Variants in EPC1 observed in about 807,000 individuals in gnomAD.
EPC1 encodes the protein enhancer of polycomb 1.
EPC1 carries 12 observed loss-of-function variants against 98.4 expected under a neutral mutation model. The ratio of observed to expected loss-of-function variants is 0.12; its 90% confidence interval spans 0.08 to 0.20. The LOEUF (loss-of-function observed/expected upper bound fraction) is 0.20, where lower values mean the gene tolerates loss of function less well. EPC1 is among the 10% of genes least tolerant of loss of function. The probability of loss-of-function intolerance (pLI) is 1.00; values close to 1 mark genes in which losing one functional copy is unlikely to be tolerated. For synonymous variants in EPC1, 357 were observed against 363.9 expected, an observed-to-expected ratio of 0.98 and a Z score of 0.21; for missense variants, 729 against 990.5, an observed-to-expected ratio of 0.74 and a Z score of 3.54.
rs779179625 is a variant in EPC1, at chr10:32,287,202, C to T, written c.1048G>A (p.Ala350Thr). The part of the protein sequence containing the change: ...KKPKVLPSSA[A>T]ATPQQTSPAA... The stretch of plus-strand genomic sequence containing the variant: ...GGACTCGTCTGTTGGGGAGTAGCAG[C>T]GGCAGACGATGGTAAGACTTTGGGC... Residue 350 changes from alanine to threonine, a missense_variant, in exon 7 of 14, where the codon GCT becomes ACT. Ala to Thr is a moderately conservative substitution (Grantham distance 58, BLOSUM62 0). Transcript: ENST00000319778. The T allele has an allele frequency of 8.1e-6, 13 of 1,614,062 alleles. No individual in the cohort carries two copies. The highest frequency in any genetic ancestry group is 6.7e-5 in the East Asian group (3 of 44,880).
intron 1 of EPC1, among the ~76,000 whole-genome samples, chr10:32,317,728 C>G (rs1264106353): frequency 6.6e-6 from 1 of 152,164 alleles, no homozygotes; most frequent in Non-Finnish European, 1.5e-5. Flanking sequence ...CAGATAGTAT[C>G]TGGCAAGGAA....
intron 10 of EPC1, among the ~76,000 whole-genome samples, chr10:32,278,706 A>ATTTTACCTT (rs1836240494): frequency 6.6e-6 from 1 of 152,150 alleles, no homozygotes; most frequent in Non-Finnish European, 1.5e-5. Context: ...CAGGCCAAAC[A>ATTTTACCTT]TTATTTTAAT....
chr10:32,374,737 G>A (rs1839837220), intron 1 of EPC1, among the ~76,000 whole-genome samples: 1 of 152,014 alleles, frequency 6.6e-6, no homozygotes, highest in East Asian at 1.9e-4. Flanking sequence ...TAGATTTAAA[G>A]TATCTTTAGA....
At position 32,293,086 on chromosome 10, in the gene EPC1, G is replaced by C; in HGVS notation, c.568C>G (p.Leu190Val). 6.2e-7 allele frequency: 1 copy of C among 1,613,376 alleles called. No individual in the cohort carries two copies. Residue 190 changes from leucine (L) to valine (V), a missense_variant, in exon 4 of 14, where the codon CTT becomes GTT. By Grantham distance (32) the Leu-to-Val change is conservative. This residue lies in a region of EPC1 where 94 missense variants were observed against 125.1 expected (regional missense o/e 0.75). Coordinates refer to ENST00000319778, the MANE Select transcript of EPC1 (RefSeq NM_001272004.3). ...KKRKNCRGPSLIPSVKQEKRD... is the reference protein window; with the variant it reads ...KKRKNCRGPSVIPSVKQEKRD... ...TTCTCTTGTTTTACTGATGGAATAA[G>C]AGATGGCCCTCGACAGTTTTTTCTC... is the stretch of plus-strand genomic sequence containing the variant.
intron 1 of EPC1, among the ~76,000 whole-genome samples, chr10:32,364,736 T>C (rs917272662): frequency 1.3e-5 from 2 of 152,196 alleles, no homozygotes; most frequent in Non-Finnish European, 2.9e-5. Flanking sequence ...GACATGTGAT[T>C]TCTAAAGAAA....
intron 1 of EPC1, chr10:32,378,420 C>A: frequency 8.0e-7 from 1 of 1,256,826 alleles, no homozygotes; most frequent in Non-Finnish European, 1.1e-6. Context: ...TTAGAAGAAA[C>A]ACAATGAAAA....
chr10:32,356,323 C>T (rs927148781), intron 1 of EPC1, among the ~76,000 whole-genome samples: 10 of 152,094 alleles, frequency 6.6e-5, no homozygotes, highest in Admixed American at 5.2e-4. Context: ...TAGGTAAGCA[C>T]TGTGAATCTA....
intron 10 of EPC1, among the ~76,000 whole-genome samples, chr10:32,277,220 C>T (rs572481929): frequency 3.3e-5 from 5 of 152,180 alleles, no homozygotes; most frequent in South Asian, 2.1e-4. Flanking sequence ...CAAGGGTCTA[C>T]GCAAGGAGAA....
At position 32,286,856 on chromosome 10, in the gene EPC1, A is replaced by T; in HGVS notation, c.1243-14T>A. ...GTCTAAGTGAGGCTTAAAAAAAAAA[A>T]TCCAAATTATTTAATTTTGTCAGTT... On this transcript the variant is annotated splice_polypyrimidine_tract_variant and intron_variant, in intron 8 of 13. Transcript: ENST00000319778. The T allele has an allele frequency of 6.2e-7, 1 of 1,607,368 alleles. No individual in the cohort carries two copies. Among genetic ancestry groups the T allele is most frequent in the Non-Finnish European group, 8.5e-7 (1 of 1,178,064 alleles).
intron 11 of EPC1, chr10:32,272,952 A>T: frequency 1.4e-6 from 2 of 1,394,408 alleles, no homozygotes; most frequent in Non-Finnish European, 2.0e-6. Context: ...CATCTCATTT[A>T]ACTAAGTGCT....
At position 32,268,953 on chromosome 10, in the gene EPC1, C is replaced by T. The variant is rs1418144652; in HGVS notation, c.*110G>A. 2.0e-5 allele frequency: 18 copies of T among 893,196 alleles called. 1 individual carries two copies. The South Asian group carries it at 2.8e-4, about 14-fold the overall frequency. The allele number at this position is 893,196 out of a possible 1,614,324, so 55.3% of individuals were successfully genotyped here. ...GATGAGCATTGCTGTCAAGTCCCCA[C>T]AGCTGCCACAGAAACGCATGTGCTG... On this transcript the variant is annotated 3_prime_UTR_variant, in exon 14 of 14. Transcript: ENST00000319778.
intron 1 of EPC1, among the ~76,000 whole-genome samples, chr10:32,315,423 G>A (rs1836495949): frequency 6.6e-6 from 1 of 152,070 alleles, no homozygotes; most frequent in Non-Finnish European, 1.5e-5. Context: ...TTTTATTTAA[G>A]CAAATAATGA....
intron 1 of EPC1, among the ~76,000 whole-genome samples, chr10:32,333,781 G>C (rs1365068144): frequency 3.3e-5 from 5 of 152,186 alleles, no homozygotes; most frequent in African/African-American, 1.2e-4. Context: ...GAAGGGTGTT[G>C]TCTCTCAGTA....
intron 1 of EPC1, among the ~76,000 whole-genome samples, chr10:32,336,310 C>CA (rs58887924): frequency 0.8 from 122,168 of 151,872 alleles, 50,077 homozygotes; most frequent in East Asian, 0.96. Flanking sequence ...GCTCGTGATC[C>CA]ACCTGCCTCG....
chr10:32,306,342 T>C (rs890652716), intron 1 of EPC1, among the ~76,000 whole-genome samples: 3 of 152,226 alleles, frequency 2.0e-5, no homozygotes, highest in Non-Finnish European at 4.4e-5. Context: ...TTCATAAATT[T>C]AGAAGGTATT....
chr10:32,363,237 C>G (rs957936569), intron 1 of EPC1, among the ~76,000 whole-genome samples: 3 of 152,130 alleles, frequency 2.0e-5, no homozygotes, highest in African/African-American at 7.2e-5. Context: ...CCACACCTGG[C>G]TAATCTTTAT....
rs112553991 is a variant in EPC1, at chr10:32,293,595, C to T, written c.456G>A (p.Gln152=). ...MIDRLEKGSG[Q]QPVSLQEAKL... ...TTATATACAAATGAAGTTGTACCTG[C>T]TGACCACTGCCTTTTTCTAGGCGGT... The change falls in exon 3 of 14, where the codon CAG becomes CAA. Residue 152 remains glutamine, a synonymous_variant. Transcript: ENST00000319778. 2.2e-5 allele frequency: 36 copies of T among 1,612,722 alleles called. No homozygotes were observed. In the African/African-American group the frequency reaches 3.9e-4, roughly 17 times the overall value.
chr10:32,308,878 A>C (rs1214055312), intron 1 of EPC1, among the ~76,000 whole-genome samples: 1 of 152,248 alleles, frequency 6.6e-6, no homozygotes, highest in African/African-American at 2.4e-5. Flanking sequence ...ATTTGGAATC[A>C]ACCTAAATGT....
chr10:32,326,184 C>T (rs1397500835), intron 1 of EPC1, among the ~76,000 whole-genome samples: 1 of 152,134 alleles, frequency 6.6e-6, no homozygotes, highest in Non-Finnish European at 1.5e-5. Flanking sequence ...AAAACGAATA[C>T]TGAAAGGGTT....
Sources: allele counts gnomAD v4.1 joint callset (sites outside exome capture counted in the v4.1 genomes callset), GRCh38; gene constraint gnomAD v4.1.1; regional missense constraint gnomAD v4.1.1; transcripts MANE v1.5; gene names NCBI Gene and HGNC (gene_info 2026-07-23, HGNC 2026-07-21).